Variants in IMMP2L observed in about 807,000 individuals in gnomAD.
IMMP2L encodes inner mitochondrial membrane peptidase subunit 2.
IMMP2L carries 18 observed loss-of-function variants against 19.3 expected under a neutral mutation model. That is an observed-to-expected ratio of 0.93 (90% confidence interval 0.64 to 1.38). The LOEUF (loss-of-function observed/expected upper bound fraction) is 1.38. IMMP2L is among the 40% of genes most tolerant of loss of function. IMMP2L has a pLI of 0.00. For synonymous variants in IMMP2L, 76 were observed against 73.0 expected (o/e 1.04, Z -0.21); for missense variants, 233 against 218.2 (o/e 1.07, Z -0.43).
chr7:110,891,915 A>T (rs1397941438), intron 4 of IMMP2L, among the ~76,000 whole-genome samples: 1 of 152,196 alleles, frequency 6.6e-6, no homozygotes, highest in Non-Finnish European at 1.5e-5. Flanking sequence ...TTCCAAAGAA[A>T]GAGAATAAAA....
Position 110,918,291 on chromosome 7 carries a change from T to C in IMMP2L, c.306-31596A>G, listed in dbSNP as rs1157862224. ...AGGAACTTTTTTTGTTTTAAGTAAT[T>C]TGCATTTAGACTTAGTTAGGAGAAG... is the stretch of plus-strand genomic sequence containing the variant. On this transcript the variant is annotated intron_variant, in intron 4 of 5. Coordinates refer to ENST00000405709, the MANE Select transcript of IMMP2L (RefSeq NM_032549.4). 2.6e-5 allele frequency among the ~76,000 whole-genome samples: 4 copies of C among 152,246 alleles called. No individual in the cohort carries two copies. In the East Asian group the frequency reaches 5.8e-4, roughly 22 times the overall value.
chr7:111,174,639 C>A (rs7789480), intron 3 of IMMP2L, among the ~76,000 whole-genome samples: 134,879 of 151,696 alleles, frequency 0.89, 60,046 homozygotes, highest in Non-Finnish European at 0.91. Flanking sequence ...AAAAACTATT[C>A]ACCAGCCTTC....
rs116358425 is a variant in IMMP2L at position 110,669,945 on chromosome 7, C to T, written c.409-6224G>A. 2.3e-3 allele frequency among the ~76,000 whole-genome samples: 343 copies of T among 152,288 alleles called. 1 individual carries two copies. Among genetic ancestry groups the T allele is most frequent in the African/African-American group, 7.1e-3 (294 of 41,552 alleles). On this transcript the variant is annotated intron_variant, in intron 5 of 5. Transcript: ENST00000405709. ...TGCTTCTCAATACTGCTAGGTCCCA[C>T]GTTCTTTCCTGAAAAAATAGACTCA...
intron 5 of IMMP2L, among the ~76,000 whole-genome samples, chr7:110,830,188 G>A (rs1270384331): frequency 6.6e-6 from 1 of 152,108 alleles, no homozygotes; most frequent in Admixed American, 6.6e-5. Context: ...AAGGAAAAAG[G>A]GACATTCTAA....
chr7:111,341,415 A>G (rs1826996428), intron 3 of IMMP2L, among the ~76,000 whole-genome samples: 2 of 152,172 alleles, frequency 1.3e-5, no homozygotes, highest in African/African-American at 4.8e-5. Flanking sequence ...ACTGCAATCA[A>G]TGTTTAAAAA....
chr7:111,507,460 T>C (rs2132525005), intron 2 of IMMP2L, among the ~76,000 whole-genome samples: 1 of 152,274 alleles, frequency 6.6e-6, no homozygotes, highest in Non-Finnish European at 1.5e-5. Context: ...TTTTAAAAAA[T>C]GTTTAAGTAC....
intron 3 of IMMP2L, among the ~76,000 whole-genome samples, chr7:111,348,750 C>A (rs1489077030): frequency 6.6e-6 from 1 of 152,044 alleles, no homozygotes; most frequent in Non-Finnish European, 1.5e-5. Flanking sequence ...AAATATATCT[C>A]ATAGGTCCCT....
intron 3 of IMMP2L, among the ~76,000 whole-genome samples, chr7:111,055,051 CT>C (rs113824921): frequency 0.011 from 1,478 of 134,494 alleles, 22 homozygotes; most frequent in African/African-American, 0.031. Flanking sequence ...TTTCTTCCTT[CT>C]TTTTTTTTTT....
rs1283984006 is a variant in IMMP2L at position 110,727,251 on chromosome 7, C to T, written c.409-63530G>A. 6.6e-6 allele frequency among the ~76,000 whole-genome samples: 1 copy of T among 152,008 alleles called. No individual in the cohort carries two copies. Among genetic ancestry groups the T allele is most frequent in the Non-Finnish European group, 1.5e-5 (1 of 67,994 alleles). ...AAAAATACAAAAAAATGTAGTTGGG[C>T]AGGGTGGTGCATGCCTGAAATCCCA... On this transcript the variant is annotated intron_variant, in intron 5 of 5. Coordinates refer to ENST00000405709, the MANE Select transcript of IMMP2L (RefSeq NM_032549.4). The surrounding 1 kb of genome is among the most constrained non-coding windows in gnomAD (Gnocchi z 4.3).
intron 3 of IMMP2L, among the ~76,000 whole-genome samples, chr7:111,150,077 T>C (rs1803906697): frequency 6.6e-6 from 1 of 152,170 alleles, no homozygotes; most frequent in Non-Finnish European, 1.5e-5. Flanking sequence ...TCTGCCTTTA[T>C]TATGCAGTGA....
At chr7:111,340,298 C>A (rs922763604) in intron 3 of IMMP2L, among the ~76,000 whole-genome samples, 9 of 151,892 alleles carry the variant, frequency 5.9e-5, no homozygotes. Flanking sequence ...GAGATGACAG[C>A]CTGATAATAC....
At position 111,458,692 on chromosome 7, in the gene IMMP2L, C is replaced by T. The variant is rs570249903; in HGVS notation, c.239+28546G>A. On this transcript the variant is annotated intron_variant, in intron 3 of 5. Transcript: ENST00000405709. The stretch of plus-strand genomic sequence containing the variant: ...ACCAGCATCCCCCTTTGATTCTCTG[C>T]CTATATTCTCCTTCATCTTGATTCA... Among the ~76,000 whole-genome samples, 27 of 152,088 alleles carry T rather than the reference C, an allele frequency of 1.8e-4. 1 individual carries two copies. Among genetic ancestry groups the T allele is most frequent in the Non-Finnish European group, 2.8e-4 (19 of 68,006 alleles).
chr7:110,681,220 A>C (rs967170500), intron 5 of IMMP2L, among the ~76,000 whole-genome samples: 6 of 152,100 alleles, frequency 3.9e-5, no homozygotes, highest in African/African-American at 1.2e-4. Context: ...TCACTCAGTT[A>C]GCTAGAGATG....
chr7:110,933,709 C>T (rs946366852), intron 4 of IMMP2L, among the ~76,000 whole-genome samples: 3 of 152,020 alleles, frequency 2.0e-5, no homozygotes, highest in East Asian at 3.9e-4. Flanking sequence ...CCTGTGGGCT[C>T]TAACTTTTTA....
At chr7:110,793,420 A>AAAACAAACAAACAAACAAAC (rs146489810) in intron 5 of IMMP2L, among the ~76,000 whole-genome samples, 1 of 149,972 alleles carries the variant, frequency 6.7e-6, no homozygotes, top group Admixed American at 6.7e-5. Flanking sequence ...ACTCTGTCTC[A>AAAACAAACAAACAAACAAAC]AAACAAACAA....
At chr7:111,227,555 A>G (rs528902398) in intron 3 of IMMP2L, among the ~76,000 whole-genome samples, 1 of 152,218 alleles carries the variant, frequency 6.6e-6, no homozygotes, top group South Asian at 2.1e-4. Context: ...CCAAAGGACA[A>G]TGTTGAAAAG....
chr7:110,882,287 GCCTT>G (rs111710073), intron 5 of IMMP2L, among the ~76,000 whole-genome samples: 15,051 of 121,914 alleles, frequency 0.12, 1,028 homozygotes, highest in East Asian at 0.19. Context: ...TTTGTCAAGT[GCCTT>G]CCTTCCTTCC....
intron 3 of IMMP2L, among the ~76,000 whole-genome samples, chr7:111,479,377 G>T (rs1471617677): frequency 6.6e-6 from 1 of 152,004 alleles, no homozygotes; most frequent in Non-Finnish European, 1.5e-5. Flanking sequence ...GCCTTAGTTT[G>T]AAATAAACTA....
rs1803735465 is a variant in IMMP2L at position 110,829,021 on chromosome 7, A to G, written c.408+57572T>C. 3.3e-5 allele frequency among the ~76,000 whole-genome samples: 5 copies of G among 152,172 alleles called. No individual in the cohort carries two copies. In the South Asian group the frequency reaches 1.0e-3, roughly 32 times the overall value. On this transcript the variant is annotated intron_variant, in intron 5 of 5. Transcript: ENST00000405709. ...TGTTAGAAGTAACATCATTTCCAAT[A>G]CTTCATATATGTATGGCTATTTAAA...
Sources: gnomAD v4.1 joint callset for allele counts (sites outside exome capture counted in the v4.1 genomes callset) on GRCh38, gnomAD v4.1.1 for gene constraint, Gnocchi (gnomAD v3.1) non-coding constraint, MANE v1.5 for transcripts, NCBI Gene and HGNC (gene_info 2026-07-23, HGNC 2026-07-21) for gene names.